The following TTN variants were observed in gnomAD, a reference collection of about 807,000 sequenced individuals.
TTN encodes titin.
TTN carries 1,525 observed loss-of-function variants against 3,223.0 expected under a neutral mutation model. That is an observed-to-expected ratio of 0.47 (90% confidence interval 0.45 to 0.49). The LOEUF (loss-of-function observed/expected upper bound fraction) is 0.49, where lower values mean the gene tolerates loss of function less well. Ranked by LOEUF, TTN falls within the 20% of genes least tolerant of loss-of-function variation. The pLI is 0.00. For synonymous variants in TTN, 14,094 were observed against 15,161.0 expected (o/e 0.93, Z 5.17); for missense variants, 40,786 against 43,424.0 (o/e 0.94, Z 5.40).
Position 178,769,752 on chromosome 2 carries a change from G to C in TTN, c.8829C>G (p.Thr2943=). 6.2e-7 allele frequency: 1 copy of C among 1,613,894 alleles called. No individual in the cohort carries two copies. Residue 2943 remains threonine, a synonymous_variant, in exon 37 of 363, where the codon ACC becomes ACG. Transcript: ENST00000589042. ...TGTATTCTGCCGAGTCCTCTGTGCTGGTGTTCATGATGATCAGCTGATGGA... is the reference window on the plus strand; with the variant it reads ...TGTATTCTGCCGAGTCCTCTGTGCTCGTGTTCATGATGATCAGCTGATGGA... ...GKLHQLIIMN[T]STEDSAEYTF... is the part of the protein sequence containing the mutation.
In TTN at chr2:178,559,363, A is replaced by G. The variant is rs1438107682; in HGVS notation, c.86769T>C (p.Asn28923=). ...AIYYFRVSGE[N]EFGVGIPAET... ...CAGCTGGTATACCAACACCAAACTCATTTTCTCCAGAGACTCTGAAGTAAT... is the reference window on the plus strand; with the variant it reads ...CAGCTGGTATACCAACACCAAACTCGTTTTCTCCAGAGACTCTGAAGTAAT... The change falls in exon 326 of 363, where the codon AAT becomes AAC. Residue 28923 remains asparagine (N), a synonymous_variant. Transcript: ENST00000589042. 2.5e-6 allele frequency: 4 copies of G among 1,612,718 alleles called. No individual in the cohort carries two copies. The highest frequency in any genetic ancestry group is 2.2e-5 in the East Asian group (1 of 44,874).
intron 120 of TTN, 64 bp downstream of exon 120, chr2:178,692,433 G>T: frequency 7.2e-7 from 1 of 1,390,464 alleles, no homozygotes; most frequent in Non-Finnish European, 1.0e-6. Flanking sequence ...TTAATACACA[G>T]ATCTTATAGA....
intron 164 of TTN, 22 bp from the exon 165 acceptor site, chr2:178,665,482 G>A: frequency 1.2e-6 from 2 of 1,608,136 alleles, no homozygotes; most frequent in Middle Eastern, 1.7e-4. Context: ...TTAGTATTAT[G>A]GTTAGAGGTT....
Position 178,733,510 on chromosome 2 carries a change from G to A in TTN, c.15783C>T (p.Ala5261=), listed in dbSNP as rs1157888249. 6.2e-7 allele frequency: 1 copy of A among 1,609,944 alleles called. No homozygotes were observed. The highest frequency in any genetic ancestry group is 1.7e-5 in the Admixed American group (1 of 59,734). The part of the protein sequence containing the change: ...SVGELIVKEP[A]KIIERAELIQ... ...TCAGTTCTGCTCGCTCAATGATTTT[G>A]GCAGGTTCTACAATGGTATGAAATA... Residue 5261 remains alanine (A), a synonymous_variant, in exon 54 of 363, where the codon GCC becomes GCT. Transcript: ENST00000589042.
In TTN at chr2:178,543,940, T is replaced by A; in HGVS notation, c.96204A>T (p.Ser32068=). The A allele has an allele frequency of 6.2e-7, 1 of 1,613,748 alleles. No homozygotes were observed. The highest frequency in any genetic ancestry group is 8.5e-7 in the Non-Finnish European group (1 of 1,179,708). Residue 32068 remains serine (S), a synonymous_variant, in exon 346 of 363, where the codon TCA becomes TCT. Transcript: ENST00000589042. The part of the protein sequence containing the change: ...RAIIDTTESY[S]LLIVDKVNRY... ...GATTAACTTTGTCCACTATTAGCAA[T>A]GAGTAGCTCTCAGTGGTGTCAATAA...
In TTN at chr2:178,632,950, T is replaced by G. The variant is rs1264004420; in HGVS notation, c.43181A>C (p.Asn14394Thr). The part of the protein sequence containing the change: ...MTGEVSFQAA[N>T]AKSAANLKVK... ...TTTCAGATTGGCTGCAGATTTGGCATTAGCAGCCTGGAAGGAAACCTCTCC... is the reference window on the plus strand; with the variant it reads ...TTTCAGATTGGCTGCAGATTTGGCAGTAGCAGCCTGGAAGGAAACCTCTCC... Residue 14394 changes from asparagine (N) to threonine (T), a missense_variant, in exon 234 of 363, where the codon AAT becomes ACT. By Grantham distance (65) the Asn-to-Thr change is moderately conservative. Transcript: ENST00000589042. 1 of 1,613,118 alleles carries G rather than the reference T, an allele frequency of 6.2e-7. No homozygotes were observed.
In TTN at chr2:178,577,792, C is replaced by T; in HGVS notation, c.68634G>A (p.Val22878=). 1 of 1,611,804 alleles carries T rather than the reference C, an allele frequency of 6.2e-7. No individual in the cohort carries two copies. The highest frequency in any genetic ancestry group is 1.1e-5 in the South Asian group (1 of 91,016). The change falls in exon 323 of 363, where the codon GTG becomes GTA. Residue 22878 remains valine, a synonymous_variant. Transcript: ENST00000589042. The stretch of plus-strand genomic sequence containing the variant: ...ACTTCGAAGGTAGATCTCGCTTCTC[C>T]ACTATATATCCAGTTAACTTATGAC... ...DGGHKLTGYI[V]EKRDLPSKSW...
In TTN at chr2:178,750,297, C is replaced by T. The variant is rs375836455; in HGVS notation, c.11311+2827G>A. Reference sequence around the variant, plus strand: ...GCTTTGACATCATGTTTTTGTTTTGCTTTCACTTTAAGCATACTGGTTGTT... The same window carrying T: ...GCTTTGACATCATGTTTTTGTTTTGTTTTCACTTTAAGCATACTGGTTGTT... On this transcript the variant is annotated intron_variant, in intron 47 of 362. Transcript: ENST00000589042. 233 of 1,613,242 alleles carry T rather than the reference C, an allele frequency of 1.4e-4. 3 individuals carry two copies. In the South Asian group the frequency reaches 2.5e-3, roughly 17 times the overall value.
chr2:178,667,388 T>C, intron 161 of TTN, 54 bp downstream of exon 161: 1 of 1,573,996 alleles, frequency 6.4e-7, no homozygotes, highest in Admixed American at 1.8e-5. Flanking sequence ...GCATGCAATG[T>C]TTGAGTCATA....
chr2:178,725,590 C>T lies in TTN; in HGVS notation c.20614G>A (p.Glu6872Lys), dbSNP rs376378443. ...SLTVVAGEPA[E>K]LQASIEGAQP... ...GCGCCTTCTATGGATGCTTGTAATT[C>T]AGCAGGCTCTCCGGCTACAACAGTG... Residue 6872 changes from glutamate (E) to lysine (K), a missense_variant, in exon 71 of 363, where the codon GAA becomes AAA. Physicochemically the swap from Glu to Lys is moderately conservative, Grantham distance 56. Coordinates refer to ENST00000589042, the MANE Select transcript of TTN (RefSeq NM_001267550.2). The T allele has an allele frequency of 8.1e-6, 13 of 1,611,428 alleles. No homozygotes were observed. The African/African-American group carries it at 1.6e-4, about 20-fold the overall frequency.
rs750669319 is a variant in TTN, at chr2:178,561,947, A to G, written c.84185T>C (p.Ile28062Thr). ...VLDRPGPPGPIRIDEVSCDSI... is the reference protein window; with the variant it reads ...VLDRPGPPGPTRIDEVSCDSI... ...GTCACAACTAACCTCATCAATACGT[A>G]TAGGACCTGGAGGTCCTGGTCTGTC... is the stretch of plus-strand genomic sequence containing the variant. Residue 28062 changes from isoleucine (I) to threonine (T), a missense_variant, in exon 326 of 363, where the codon ATA (isoleucine) becomes ACA (threonine). Ile to Thr is a moderately conservative substitution (Grantham distance 89). Coordinates refer to ENST00000589042, the MANE Select transcript of TTN (RefSeq NM_001267550.2). The G allele has an allele frequency of 1.9e-6, 3 of 1,613,254 alleles. No individual in the cohort carries two copies. The highest frequency in any genetic ancestry group is 1.7e-5 in the Admixed American group (1 of 59,984).
Position 178,768,106 on chromosome 2 carries a change from C to A in TTN, c.9213G>T (p.Glu3071Asp), listed in dbSNP as rs779657872. 1 of 1,613,964 alleles carries A rather than the reference C, an allele frequency of 6.2e-7. No individual in the cohort carries two copies. Among genetic ancestry groups the A allele is most frequent in the Non-Finnish European group, 8.5e-7 (1 of 1,180,016 alleles). Residue 3071 changes from glutamate (E) to aspartate (D), a missense_variant, in exon 39 of 363, where the codon GAG (glutamate) becomes GAT (aspartate). By Grantham distance (45) the Glu-to-Asp change is conservative. Transcript: ENST00000589042. ...CACATTCAAACATGGCTCGCTTCTTCTCCAGTACCTTAATGTCCTTAATGT... is the reference window on the plus strand; with the variant it reads ...CACATTCAAACATGGCTCGCTTCTTATCCAGTACCTTAATGTCCTTAATGT... ...RKHIKDIKVLEKKRAMFECEV... is the reference protein window; with the variant it reads ...RKHIKDIKVLDKKRAMFECEV...
chr2:178,574,799 G>C lies in TTN; in HGVS notation c.71333C>G (p.Ala23778Gly), dbSNP rs973981142. 8 of 1,612,094 alleles carry C rather than the reference G, an allele frequency of 5.0e-6. No homozygotes were observed. Among genetic ancestry groups the C allele is most frequent in the Non-Finnish European group, 5.9e-6 (7 of 1,178,778 alleles). The change falls in exon 326 of 363, where the codon GCA becomes GGA. Residue 23778 changes from alanine (A) to glycine (G), a missense_variant. Ala to Gly is a moderately conservative substitution (Grantham distance 60, BLOSUM62 0). Coordinates refer to ENST00000589042, the MANE Select transcript of TTN (RefSeq NM_001267550.2). Reference sequence around the variant, plus strand: ...ATAGGTAGTACGTATAACGGTGGTTGCTAACTCAACCCAGGTAGTACTGTC... The same window carrying C: ...ATAGGTAGTACGTATAACGGTGGTTCCTAACTCAACCCAGGTAGTACTGTC... ...QTDSTTWVELATTVIRTTYKA... is the reference protein window; with the variant it reads ...QTDSTTWVELGTTVIRTTYKA...
At position 178,795,452 on chromosome 2, in the gene TTN, T is replaced by C. The variant is rs11904138; in HGVS notation, c.915-200A>G. ...AACCTATTCTTATCTGCTGTAACCC[T>C]GTAAGAGAATCAGCTTTAATTCCAA... On this transcript the variant is annotated intron_variant, in intron 6 of 362. Transcript: ENST00000589042. Among the ~76,000 whole-genome samples, 2,506 of 152,126 alleles carry C rather than the reference T, an allele frequency of 0.016. 70 individuals carry two copies. Among genetic ancestry groups the C allele is most frequent in the East Asian group, 0.13 (658 of 5,178 alleles).
Position 178,715,188 on chromosome 2 carries a change from A to T in TTN, c.25998T>A (p.Leu8666=). ...AAACGTGAAATGGGGGAGTGCCCTG[A>T]AGCTCACATTCAAGGTGAACATCAG... ...KGADVHLECE[L]QGTPPFHVSW... is the part of the protein sequence containing the mutation. Residue 8666 remains leucine (L), a synonymous_variant, in exon 90 of 363, where the codon CTT becomes CTA. Transcript: ENST00000589042. 1 of 1,613,710 alleles carries T rather than the reference A, an allele frequency of 6.2e-7. No individual in the cohort carries two copies. Among genetic ancestry groups the T allele is most frequent in the African/African-American group, 1.3e-5 (1 of 75,030 alleles).
rs397517667 is a variant in TTN at position 178,580,462 on chromosome 2, A to G, written c.66917T>C (p.Ile22306Thr). The change falls in exon 317 of 363, where the codon ATT becomes ACT. Residue 22306 changes from isoleucine to threonine, a missense_variant. Physicochemically the swap from Ile to Thr is moderately conservative, Grantham distance 89 (BLOSUM62 -1). Coordinates refer to ENST00000589042, the MANE Select transcript of TTN (RefSeq NM_001267550.2). ...SKPNVNLRDR[I>T]GLDIKSTDFD... ...GTCAGTTGACTTTATGTCCAGTCCA[A>G]TCCTGTCTCTTAGATTGACATTTGG... 184 of 1,612,970 alleles carry G rather than the reference A, an allele frequency of 1.1e-4. No homozygotes were observed. Among genetic ancestry groups the G allele is most frequent in the Non-Finnish European group, 2.8e-5 (33 of 1,179,434 alleles).
At position 178,799,594 on chromosome 2, in the gene TTN, C is replaced by T. The variant is rs779966449; in HGVS notation, c.807G>A (p.Pro269=). The part of the protein sequence containing the change: ...PKPKSRSPTP[P]SIAAKAQLAR... ...CCAGCTGTGCTTTGGCAGCAATAGA[C>T]GGTGGTGTTGGGGATCTTGACTTTG... Residue 269 remains proline, a synonymous_variant, in exon 6 of 363, where the codon CCG becomes CCA. Coordinates refer to ENST00000589042, the MANE Select transcript of TTN (RefSeq NM_001267550.2). The T allele has an allele frequency of 7.4e-6, 12 of 1,613,978 alleles. No homozygotes were observed. Among genetic ancestry groups the T allele is most frequent in the African/African-American group, 5.3e-5 (4 of 74,896 alleles).
intron 114 of TTN, 79 bp from the exon 115 acceptor site, chr2:178,695,489 G>T (rs908556097): frequency 9.0e-6 from 10 of 1,108,440 alleles, no homozygotes; most frequent in Non-Finnish European, 1.4e-5. Flanking sequence ...AATGAGATAA[G>T]GTAAGGATAA....
chr2:178,752,519 G>A (rs2085835569), intron 47 of TTN, among the ~76,000 whole-genome samples: 1 of 151,940 alleles, frequency 6.6e-6, no homozygotes, highest in African/African-American at 2.4e-5. Flanking sequence ...AAATGAGAAG[G>A]CGTTTATTCG....
Sources: gnomAD v4.1 joint callset for allele counts (sites outside exome capture counted in the v4.1 genomes callset) on GRCh38, gnomAD v4.1.1 for gene constraint, MANE v1.5 for transcripts, NCBI Gene and HGNC (gene_info 2026-07-23, HGNC 2026-07-21) for gene names.